Variants in KCNJ3 observed in about 807,000 individuals in gnomAD.
The protein encoded by KCNJ3 is G protein-activated inward rectifier potassium channel 1.
In KCNJ3, 4 loss-of-function variants were observed where a neutral mutation model predicts 39.2. That is an observed-to-expected ratio of 0.10 (90% CI 0.05 to 0.23). KCNJ3 has a LOEUF of 0.23. Among genes scored for constraint, KCNJ3 ranks in the 10% least tolerant of loss-of-function variants. KCNJ3 has a pLI of 1.00. For missense variants in KCNJ3, 276 were observed against 634.9 expected (o/e 0.43, Z 6.08); for synonymous variants, 230 against 237.4 (o/e 0.97, Z 0.29).
chr2:154,759,643 A>C (rs931052366), intron 2 of KCNJ3, among the ~76,000 whole-genome samples: 1 of 151,992 alleles, frequency 6.6e-6, no homozygotes, highest in Admixed American at 6.6e-5. Flanking sequence ...TTTTCTTTCC[A>C]CTTCTTACTT....
chr2:154,856,258 A>G lies in KCNJ3; in HGVS notation c.*945A>G, dbSNP rs1456883922. On this transcript the variant is annotated 3_prime_UTR_variant, in exon 3 of 3. Coordinates refer to ENST00000295101, the MANE Select transcript of KCNJ3 (RefSeq NM_002239.4). ...ATGAGCTCTGAACAAACACTGAATC[A>G]TGTTAATAGACAGTAGCCAAGTTAT... The G allele has an allele frequency of 6.6e-6, 1 of 152,580 alleles. No individual in the cohort carries two copies. The highest frequency in any genetic ancestry group is 2.4e-5 in the African/African-American group (1 of 41,452). 9.5% of individuals were successfully genotyped at this position (152,580 alleles called of 1,614,324 possible).
intron 2 of KCNJ3, among the ~76,000 whole-genome samples, chr2:154,818,811 G>C (rs545961579): frequency 6.6e-6 from 1 of 151,314 alleles, no homozygotes; most frequent in East Asian, 2.0e-4. Context: ...CTTCAGTGTG[G>C]ACAAAGCACA....
At chr2:154,809,199 A>G (rs189555962) in intron 2 of KCNJ3, among the ~76,000 whole-genome samples, 53 of 152,294 alleles carry the variant, frequency 3.5e-4, no homozygotes, top group Non-Finnish European at 5.4e-4. Context: ...ACCTTACTGC[A>G]TAGCAGAGGA....
At chr2:154,721,523 T>C (rs1685263206) in intron 2 of KCNJ3, among the ~76,000 whole-genome samples, 1 of 152,144 alleles carries the variant, frequency 6.6e-6, no homozygotes, top group Non-Finnish European at 1.5e-5. Context: ...CATATCTGCT[T>C]GATATGTCTT....
intron 2 of KCNJ3, among the ~76,000 whole-genome samples, chr2:154,785,335 G>A (rs150941299): frequency 6.6e-6 from 1 of 152,256 alleles, no homozygotes; most frequent in Non-Finnish European, 1.5e-5. Flanking sequence ...CCCTCCTCCT[G>A]CCTTACAGAT....
intron 2 of KCNJ3, among the ~76,000 whole-genome samples, chr2:154,803,662 G>A (rs1686860379): frequency 6.6e-6 from 1 of 151,592 alleles, no homozygotes; most frequent in Admixed American, 6.6e-5. Flanking sequence ...TTTACATGAT[G>A]GTATGTTGAC....
At position 154,854,951 on chromosome 2, in the gene KCNJ3, A is replaced by G. The variant is rs764575434; in HGVS notation, c.1144A>G (p.Arg382Gly). 3 of 1,614,000 alleles carry G rather than the reference A, an allele frequency of 1.9e-6. No individual in the cohort carries two copies. The highest frequency in any genetic ancestry group is 2.2e-5 in the South Asian group (2 of 91,078). ...IAPAITNSKERHNSVECLDGL... is the reference protein window; with the variant it reads ...IAPAITNSKEGHNSVECLDGL... Reference sequence around the variant, plus strand: ...ACCAGCCATAACTAACAGCAAAGAAAGACATAATTCTGTGGAATGCTTAGA... The same window carrying G: ...ACCAGCCATAACTAACAGCAAAGAAGGACATAATTCTGTGGAATGCTTAGA... Residue 382 changes from arginine to glycine, a missense_variant, in exon 3 of 3, where the codon AGA becomes GGA. Transcript: ENST00000295101.
chr2:154,701,814 C>T (rs959876172), intron 1 of KCNJ3, among the ~76,000 whole-genome samples: 3 of 152,132 alleles, frequency 2.0e-5, no homozygotes, highest in African/African-American at 7.2e-5. Flanking sequence ...GTGAAATTCT[C>T]CCCATGGCGA....
intron 2 of KCNJ3, among the ~76,000 whole-genome samples, chr2:154,762,127 C>A (rs574111205): frequency 5.3e-5 from 8 of 152,238 alleles, no homozygotes; most frequent in African/African-American, 1.9e-4. Flanking sequence ...CCTCTCAATG[C>A]CTTGGTGTTA....
intron 2 of KCNJ3, among the ~76,000 whole-genome samples, chr2:154,826,471 G>C (rs1687273702): frequency 6.6e-6 from 1 of 152,196 alleles, no homozygotes; most frequent in Non-Finnish European, 1.5e-5. Context: ...TGCAGTGTTG[G>C]TTAATGAAGT....
intron 2 of KCNJ3, among the ~76,000 whole-genome samples, chr2:154,781,046 G>A (rs1216704689): frequency 6.6e-6 from 1 of 152,258 alleles, no homozygotes; most frequent in South Asian, 2.1e-4. Context: ...GACGAGAAAG[G>A]CAAGAGAGTC....
chr2:154,729,332 G>A (rs1685414182), intron 2 of KCNJ3, among the ~76,000 whole-genome samples: 1 of 152,030 alleles, frequency 6.6e-6, no homozygotes, highest in African/African-American at 2.4e-5. Flanking sequence ...CATCATAGAA[G>A]AATTTAACTA....
At chr2:154,765,428 C>A (rs766539637) in intron 2 of KCNJ3, among the ~76,000 whole-genome samples, 1 of 152,084 alleles carries the variant, frequency 6.6e-6, no homozygotes, top group Non-Finnish European at 1.5e-5. Context: ...ATTTCTCTTG[C>A]TAGAATGTAA....
intron 2 of KCNJ3, among the ~76,000 whole-genome samples, chr2:154,766,950 G>A (rs1467353589): frequency 2.0e-5 from 3 of 151,830 alleles, no homozygotes; most frequent in Non-Finnish European, 2.9e-5. Flanking sequence ...TCTGCCAGAG[G>A]GTTACTAAGC....
chr2:154,747,017 G>C (rs868282837), intron 2 of KCNJ3, among the ~76,000 whole-genome samples: 1 of 151,698 alleles, frequency 6.6e-6, no homozygotes, highest in Non-Finnish European at 1.5e-5. Context: ...GAAAGAACAG[G>C]GAAGTCCCAT....
intron 2 of KCNJ3, among the ~76,000 whole-genome samples, chr2:154,733,445 T>C (rs1685477289): frequency 6.6e-6 from 1 of 152,132 alleles, no homozygotes; most frequent in African/African-American, 2.4e-5. Flanking sequence ...TAAAATAAAA[T>C]ATAAAATAAA....
At chr2:154,714,686 T>C (rs1367924581) in intron 2 of KCNJ3, among the ~76,000 whole-genome samples, 1 of 152,228 alleles carries the variant, frequency 6.6e-6, no homozygotes, top group Non-Finnish European at 1.5e-5. Flanking sequence ...TCTACATCTA[T>C]TAATGGTAGC....
chr2:154,724,917 GTATATA>G lies in KCNJ3; in HGVS notation c.919+15113_919+15118del, dbSNP rs59124944. Among the ~76,000 whole-genome samples the G allele has an allele frequency of 8.0e-4, 93 of 116,302 alleles. 1 individual carries two copies. The East Asian group carries it at 0.011, about 14-fold the overall frequency. The allele number at this position is 116,302 out of a possible 152,430, so 76.3% of individuals were successfully genotyped here. On this transcript the variant is annotated intron_variant, in intron 2 of 2. Coordinates refer to ENST00000295101, the MANE Select transcript of KCNJ3 (RefSeq NM_002239.4). ...TGTATATATACAAGATACATATGAGGTATATATATATATATATATACCTTTGATGCA... is the reference window on the plus strand; with the variant it reads ...TGTATATATACAAGATACATATGAGGTATATATATATATACCTTTGATGCA...
chr2:154,810,128 G>T lies in KCNJ3; in HGVS notation c.920-44599G>T, dbSNP rs372716611. ...AGAAAGGATCTCTCTCTGTTTCCCA[G>T]GCTGGAGTGCAGTGGCATAATCTCG... On this transcript the variant is annotated intron_variant, in intron 2 of 2. Transcript: ENST00000295101. 3.3e-5 allele frequency among the ~76,000 whole-genome samples: 5 copies of T among 152,104 alleles called. No individual in the cohort carries two copies. The East Asian group carries it at 9.7e-4, about 29-fold the overall frequency.
Sources: gnomAD v4.1 joint callset for allele counts (sites outside exome capture counted in the v4.1 genomes callset) on GRCh38, gnomAD v4.1.1 for gene constraint, MANE v1.5 for transcripts, NCBI Gene and HGNC (gene_info 2026-07-23, HGNC 2026-07-21) for gene names.